NRG2: variants seen among roughly 807,000 people sequenced by gnomAD.
NRG2 encodes neuregulin 2.
Under a neutral mutation model 73.9 loss-of-function variants are expected in NRG2, and 27 were observed. That is an observed-to-expected ratio of 0.37 (90% confidence interval 0.27 to 0.50). The LOEUF (loss-of-function observed/expected upper bound fraction) is 0.50. Among genes scored for constraint, NRG2 ranks in the 20% least tolerant of loss-of-function variants. The pLI is 0.96. For synonymous variants in NRG2, 532 were observed against 541.0 expected, an observed-to-expected ratio of 0.98 and a Z score of 0.23; for missense variants, 1,126 against 1,210.1, an observed-to-expected ratio of 0.93 and a Z score of 1.03.
At position 139,848,069 on chromosome 5, in the gene NRG2, C is replaced by T. The variant is rs201901386; in HGVS notation, c.2401G>A (p.Ala801Thr). 1 of 1,499,318 alleles carries T rather than the reference C, an allele frequency of 6.7e-7. No individual in the cohort carries two copies. The allele number at this position is 1,499,318 out of a possible 1,614,324, so 92.9% of individuals were successfully genotyped here. ...ESTPFLGLRGAHDALRSDSPP... is the reference protein window; with the variant it reads ...ESTPFLGLRGTHDALRSDSPP... Reference sequence around the variant, plus strand: ...GAGTCCGAGCGCAGCGCGTCGTGCGCCCCACGCAGGCCCAGGAAAGGTGTG... The same window carrying T: ...GAGTCCGAGCGCAGCGCGTCGTGCGTCCCACGCAGGCCCAGGAAAGGTGTG... The change falls in exon 10 of 10, where the codon GCG becomes ACG. Residue 801 changes from alanine to threonine, a missense_variant. By Grantham distance (58) the Ala-to-Thr change is moderately conservative (BLOSUM62 0). This residue lies in a region of NRG2 where 402 missense variants were observed against 357.8 expected (regional missense o/e 1.12). Coordinates refer to ENST00000361474, the MANE Select transcript of NRG2 (RefSeq NM_004883.3).
rs1409120284 is a variant in NRG2 at position 139,852,105 on chromosome 5, C to T, written c.1545-274G>A. 6.6e-6 allele frequency among the ~76,000 whole-genome samples: 1 copy of T among 152,204 alleles called. No individual in the cohort carries two copies. Among genetic ancestry groups the T allele is most frequent in the Non-Finnish European group, 1.5e-5 (1 of 68,034 alleles). ...CCTCCCCCCAGCCTTACCTTAGACC[C>T]CCTGTCTGGGACCTTTCCACCACCG... On this transcript the variant is annotated intron_variant, in intron 8 of 9. Coordinates refer to ENST00000361474, the MANE Select transcript of NRG2 (RefSeq NM_004883.3). The surrounding 1 kb of genome is among the most constrained non-coding windows in gnomAD (Gnocchi z 4.4).
At chr5:139,975,225 T>C (rs2126543367) in intron 1 of NRG2, among the ~76,000 whole-genome samples, 1 of 152,322 alleles carries the variant, frequency 6.6e-6, no homozygotes, top group East Asian at 1.9e-4. Flanking sequence ...GTCCAGCTTC[T>C]CTGGTGCAGT....
At chr5:140,023,221 C>A (rs1760383159) in intron 1 of NRG2, among the ~76,000 whole-genome samples, 1 of 152,206 alleles carries the variant, frequency 6.6e-6, no homozygotes, top group South Asian at 2.1e-4. Flanking sequence ...CTCTACAGAT[C>A]CTCTTTAATC....
chr5:140,043,099 C>G lies in NRG2; in HGVS notation c.-30G>C, dbSNP rs1405829702. 1 of 1,568,920 alleles carries G rather than the reference C, an allele frequency of 6.4e-7. No individual in the cohort carries two copies. Among genetic ancestry groups the G allele is most frequent in the South Asian group, 1.1e-5 (1 of 88,314 alleles). ...CCAGGCCATTTGGGGGGCTCCGCCGCTCAGCCGCCGCCGCCTTGGGAGGGG... is the reference window on the plus strand; with the variant it reads ...CCAGGCCATTTGGGGGGCTCCGCCGGTCAGCCGCCGCCGCCTTGGGAGGGG... On this transcript the variant is annotated 5_prime_UTR_variant, in exon 1 of 10. Transcript: ENST00000361474. This position sits in a 1 kb window ranked among gnomAD's most constrained non-coding sequence, Gnocchi z 6.7.
chr5:139,883,484 A>G (rs2127114543), intron 2 of NRG2, among the ~76,000 whole-genome samples: 1 of 152,218 alleles, frequency 6.6e-6, no homozygotes, highest in Non-Finnish European at 1.5e-5. Context: ...TGCAGTGGGC[A>G]CAAAGACAGA....
chr5:139,998,583 G>A (rs1271277526), intron 1 of NRG2, among the ~76,000 whole-genome samples: 2 of 152,166 alleles, frequency 1.3e-5, no homozygotes, highest in African/African-American at 4.8e-5. Flanking sequence ...AATTCTCCAA[G>A]TTTGGTCTCT....
chr5:139,974,910 C>G (rs918102949), intron 1 of NRG2, among the ~76,000 whole-genome samples: 5 of 152,230 alleles, frequency 3.3e-5, no homozygotes, highest in African/African-American at 1.2e-4. Flanking sequence ...AGAATGGCTG[C>G]TTAGATGCAG....
At chr5:139,991,601 T>C (rs1233154684) in intron 1 of NRG2, among the ~76,000 whole-genome samples, 2 of 152,196 alleles carry the variant, frequency 1.3e-5, no homozygotes, top group Non-Finnish European at 2.9e-5. Flanking sequence ...TTCACCATTT[T>C]GGCCAGGCTA....
In NRG2 at chr5:139,865,320, T is replaced by C; in HGVS notation, c.1189+229A>G. The C allele has an allele frequency of 1.3e-6, 1 of 772,612 alleles. No homozygotes were observed. The highest frequency in any genetic ancestry group is 2.3e-6 in the Non-Finnish European group (1 of 441,522). 47.9% of individuals were successfully genotyped at this position (772,612 alleles called of 1,614,324 possible). A position where few individuals can be genotyped will look rare whatever the true frequency, so the allele number is the denominator to read the frequency against. Reference sequence around the variant, plus strand: ...TGGCCTTGCCACTCTGCCCCTTACCTGCAGCCCTGAACTTTAAACCCAAGG... The same window carrying C: ...TGGCCTTGCCACTCTGCCCCTTACCCGCAGCCCTGAACTTTAAACCCAAGG... On this transcript the variant is annotated intron_variant, in intron 5 of 9. Transcript: ENST00000361474. This position sits in a 1 kb window ranked among gnomAD's most constrained non-coding sequence, Gnocchi z 5.2.
chr5:139,967,912 TCG>T, intron 1 of NRG2, among the ~76,000 whole-genome samples: 1 of 151,872 alleles, frequency 6.6e-6, no homozygotes, highest in African/African-American at 2.4e-5. Flanking sequence ...TGAGCTGAGA[TCG>T]CACCACTGCA....
chr5:139,981,502 C>G (rs1480179996), intron 1 of NRG2, among the ~76,000 whole-genome samples: 2 of 152,324 alleles, frequency 1.3e-5, no homozygotes, highest in African/African-American at 4.8e-5. Flanking sequence ...GTGGCCGTTT[C>G]CCTTCTCTTA....
intron 3 of NRG2, among the ~76,000 whole-genome samples, chr5:139,877,960 T>C (rs1416720087): frequency 6.6e-6 from 1 of 152,190 alleles, no homozygotes; most frequent in Non-Finnish European, 1.5e-5. Context: ...AGATATGCCC[T>C]CAGTGCCCTG....
intron 5 of NRG2, among the ~76,000 whole-genome samples, chr5:139,858,273 C>A (rs1761929802): frequency 6.6e-6 from 1 of 152,184 alleles, no homozygotes; most frequent in South Asian, 2.1e-4. Flanking sequence ...CCACTCCAAC[C>A]ACATGATCTC....
chr5:139,991,919 T>A (rs1168476671), intron 1 of NRG2, among the ~76,000 whole-genome samples: 1 of 152,220 alleles, frequency 6.6e-6, no homozygotes, highest in Non-Finnish European at 1.5e-5. Flanking sequence ...CAGTTTGTTT[T>A]TCCTTGTGCC....
In NRG2 at chr5:139,855,561, C is replaced by T. The variant is rs1761755552; in HGVS notation, c.1292+115G>A. 6.8e-6 allele frequency: 6 copies of T among 884,272 alleles called. No individual in the cohort carries two copies. The South Asian group carries it at 7.1e-5, about 11-fold the overall frequency. 54.8% of individuals were successfully genotyped at this position (884,272 alleles called of 1,614,324 possible). On this transcript the variant is annotated intron_variant, in intron 6 of 9. Transcript: ENST00000361474. ...GAGGCCCCCGAGGGGTAGTTGGGGCCTAGGAGGGTATAGAGGGCTCCAGTG... is the reference window on the plus strand; with the variant it reads ...GAGGCCCCCGAGGGGTAGTTGGGGCTTAGGAGGGTATAGAGGGCTCCAGTG...
In NRG2 at chr5:139,966,355, C is replaced by T. The variant is rs1027891143; in HGVS notation, c.700+76015G>A. Among the ~76,000 whole-genome samples, 18 of 152,306 alleles carry T rather than the reference C, an allele frequency of 1.2e-4. No homozygotes were observed. In the East Asian group the frequency reaches 1.4e-3, roughly 11 times the overall value. ...GCACTGGAATGTGAGGATCCCTCCACGAAACAAATAAACAAAACCACTGGC... is the reference window on the plus strand; with the variant it reads ...GCACTGGAATGTGAGGATCCCTCCATGAAACAAATAAACAAAACCACTGGC... On this transcript the variant is annotated intron_variant, in intron 1 of 9. Coordinates refer to ENST00000361474, the MANE Select transcript of NRG2 (RefSeq NM_004883.3).
chr5:139,957,909 C>G (rs1754758048), intron 1 of NRG2, among the ~76,000 whole-genome samples: 1 of 152,040 alleles, frequency 6.6e-6, no homozygotes. Flanking sequence ...CAGAGGAGAG[C>G]CTTTCCACTT....
At chr5:140,011,124 C>T (rs1023541663) in intron 1 of NRG2, among the ~76,000 whole-genome samples, 12 of 152,228 alleles carry the variant, frequency 7.9e-5, no homozygotes, top group Non-Finnish European at 1.5e-4. Context: ...GACTAAACTT[C>T]TCAGCATAGC....
intron 2 of NRG2, 53 bp from the exon 3 acceptor site, chr5:139,881,027 G>A (rs941787356): frequency 1.3e-6 from 2 of 1,497,768 alleles, no homozygotes; most frequent in African/African-American, 2.8e-5. Context: ...GCCGGCTGTG[G>A]CTCCCCAGCA....
Sources: gnomAD v4.1 joint callset for allele counts (sites outside exome capture counted in the v4.1 genomes callset) on GRCh38, gnomAD v4.1.1 for gene constraint, gnomAD v4.1.1 regional missense constraint, Gnocchi (gnomAD v3.1) non-coding constraint, MANE v1.5 for transcripts, NCBI Gene and HGNC (gene_info 2026-07-23, HGNC 2026-07-21) for gene names.